The following EIF3A variants were observed in gnomAD, a reference collection of about 807,000 sequenced individuals.
EIF3A encodes the protein eukaryotic translation initiation factor 3 subunit A.
In EIF3A, 21 loss-of-function variants were observed where a neutral mutation model predicts 186.6. That is an observed-to-expected ratio of 0.11 (90% CI 0.08 to 0.16). EIF3A has a LOEUF of 0.16. Ranked by LOEUF, EIF3A falls within the 10% of genes least tolerant of loss-of-function variation. The pLI is 1.00. For synonymous variants in EIF3A, 563 were observed against 584.3 expected, an observed-to-expected ratio of 0.96 and a Z score of 0.52; for missense variants, 1,306 against 1,796.3, an observed-to-expected ratio of 0.73 and a Z score of 4.93.
At chr10:119,061,059 A>T (rs1412586049) in intron 8 of EIF3A, 165 bp downstream of exon 8, 4 of 571,652 alleles carry the variant, frequency 7.0e-6, no homozygotes, top group Non-Finnish European at 1.2e-5. Flanking sequence ...TGCTGAGCAC[A>T]TCAGATATAT....
chr10:119,039,256 A>G (rs770101158), intron 19 of EIF3A, among the ~76,000 whole-genome samples: 9 of 152,100 alleles, frequency 5.9e-5, no homozygotes, highest in Non-Finnish European at 1.2e-4. Flanking sequence ...AACCCTGCAC[A>G]GTGGCTCACA....
intron 17 of EIF3A, 33 bp from the exon 18 acceptor site, chr10:119,044,175 T>C (rs773141591): frequency 7.1e-7 from 1 of 1,413,208 alleles, no homozygotes; most frequent in South Asian, 1.2e-5. Context: ...AAGCATTACA[T>C]TGGTAACCAT....
intron 7 of EIF3A, 107 bp downstream of exon 7, chr10:119,065,292 G>C (rs971531050): frequency 2.4e-6 from 2 of 849,586 alleles, no homozygotes; most frequent in Non-Finnish European, 3.8e-6. Flanking sequence ...CCATACATCA[G>C]AACCCTTGGC....
At chr10:119,063,922 A>C (rs1360199195) in intron 7 of EIF3A, among the ~76,000 whole-genome samples, 1 of 152,210 alleles carries the variant, frequency 6.6e-6, no homozygotes, top group Non-Finnish European at 1.5e-5. Flanking sequence ...GTCTCCACTA[A>C]AACTACAAAA....
intron 14 of EIF3A, among the ~76,000 whole-genome samples, chr10:119,055,363 G>A (rs1219516773): frequency 6.6e-6 from 1 of 151,996 alleles, no homozygotes; most frequent in Non-Finnish European, 1.5e-5. Context: ...GTGGTTCGTG[G>A]CACCCCAAAA....
At chr10:119,074,987 T>TC (rs1360926508) in intron 1 of EIF3A, among the ~76,000 whole-genome samples, 1 of 144,972 alleles carries the variant, frequency 6.9e-6, no homozygotes, top group Non-Finnish European at 1.5e-5. Context: ...TTTTTTTCTT[T>TC]TTTTTTTTTT....
At position 119,035,835 on chromosome 10, in the gene EIF3A, G is replaced by A; in HGVS notation, c.*204C>T. Reference sequence around the variant, plus strand: ...AATAATGCAACACCCTTAAATTCCAGAAAATGGCATGGTTTTTCCAACCTC... The same window carrying A: ...AATAATGCAACACCCTTAAATTCCAAAAAATGGCATGGTTTTTCCAACCTC... On this transcript the variant is annotated 3_prime_UTR_variant, in exon 22 of 22. Transcript: ENST00000369144. 2.1e-6 allele frequency: 1 copy of A among 478,080 alleles called. No homozygotes were observed. The highest frequency in any genetic ancestry group is 1.9e-5 in the African/African-American group (1 of 51,680). 29.6% of individuals were successfully genotyped at this position (478,080 alleles called of 1,614,324 possible). A position where few individuals can be genotyped will look rare whatever the true frequency, so the allele number is the denominator to read the frequency against.
Position 119,070,881 on chromosome 10 carries a change from C to T in EIF3A, c.741+5G>A, listed in dbSNP as rs750549811. 2.9e-5 allele frequency: 47 copies of T among 1,606,478 alleles called. No individual in the cohort carries two copies. The highest frequency in any genetic ancestry group is 4.0e-5 in the Non-Finnish European group (47 of 1,173,192). On this transcript the variant is annotated splice_donor_5th_base_variant and intron_variant, in intron 5 of 21. Coordinates refer to ENST00000369144, the MANE Select transcript of EIF3A (RefSeq NM_003750.4). ...TAGGAAGAAAAGCTAATAGCTCCAA[C>T]ATACCTGCCACAATTCCATGCTGAT...
intron 10 of EIF3A, 38 bp from the exon 11 acceptor site, chr10:119,059,435 T>G: frequency 6.9e-7 from 1 of 1,455,332 alleles, no homozygotes; most frequent in Non-Finnish European, 9.4e-7. Flanking sequence ...AATCCACAAG[T>G]AAGCATGAAG....
chr10:119,066,587 G>C (rs1438154060), intron 6 of EIF3A, among the ~76,000 whole-genome samples: 1 of 140,404 alleles, frequency 7.1e-6, no homozygotes, highest in Non-Finnish European at 1.5e-5. Flanking sequence ...TTAAGAATCA[G>C]AAGTGAACAC....
At chr10:119,064,418 A>T (rs777384946) in intron 7 of EIF3A, among the ~76,000 whole-genome samples, 1 of 152,010 alleles carries the variant, frequency 6.6e-6, no homozygotes, top group Non-Finnish European at 1.5e-5. Flanking sequence ...AGGTGACTAA[A>T]TCATGGGGGC....
Position 119,036,263 on chromosome 10 carries a change from A to T in EIF3A, c.3925T>A (p.Ser1309Thr), listed in dbSNP as rs762591865. The T allele has an allele frequency of 6.2e-7, 1 of 1,604,126 alleles. No homozygotes were observed. The highest frequency in any genetic ancestry group is 8.5e-7 in the Non-Finnish European group (1 of 1,177,052). The change falls in exon 22 of 22, where the codon TCT (serine) becomes ACT (threonine). Residue 1309 changes from serine to threonine, a missense_variant. This residue lies in a region of EIF3A where 331 missense variants were observed against 365.8 expected (regional missense o/e 0.90). Transcript: ENST00000369144. ...PLRSEREEVS[S>T]WRRADDRKDD... Reference sequence around the variant, plus strand: ...TTCCTGTCATCAGCACGTCTCCAAGAACTTACTAAAAAGTTTAATTAAAAA... The same window carrying T: ...TTCCTGTCATCAGCACGTCTCCAAGTACTTACTAAAAAGTTTAATTAAAAA...
chr10:119,080,786 C>A lies in EIF3A; in HGVS notation c.-110G>T. On this transcript the variant is annotated 5_prime_UTR_variant, in exon 1 of 22. Coordinates refer to ENST00000369144, the MANE Select transcript of EIF3A (RefSeq NM_003750.4). ...AGGTCCCACGCGCCTCGCCAGCAGT[C>A]GCCCGCGCCCAGCCGGCCAGAGACG... The A allele has an allele frequency of 6.9e-7, 1 of 1,445,512 alleles. No individual in the cohort carries two copies. The highest frequency in any genetic ancestry group is 9.1e-7 in the Non-Finnish European group (1 of 1,094,936). The allele number at this position is 1,445,512 out of a possible 1,614,324, so 89.5% of individuals were successfully genotyped here.
At chr10:119,069,695 A>G (rs1844040225) in intron 5 of EIF3A, 41 bp from the exon 6 acceptor site, 2 of 989,032 alleles carry the variant, frequency 2.0e-6, no homozygotes, top group Non-Finnish European at 3.2e-6. Flanking sequence ...GCATTCTATA[A>G]CACGAAAAAA....
At chr10:119,061,431 A>T (rs1589692060) in intron 7 of EIF3A, 103 bp from the exon 8 acceptor site, 1 of 532,658 alleles carries the variant, frequency 1.9e-6, no homozygotes, top group East Asian at 3.2e-5. Context: ...AAAATGATTT[A>T]AAAAATCATC....
intron 1 of EIF3A, among the ~76,000 whole-genome samples, chr10:119,075,651 C>CATATAT (rs5788328): frequency 0.025 from 2,407 of 96,996 alleles, 34 homozygotes; most frequent in South Asian, 0.035. Flanking sequence ...TATATATATA[C>CATATAT]ATATATATAT....
chr10:119,065,909 G>C (rs1229282911), intron 6 of EIF3A, among the ~76,000 whole-genome samples: 2 of 151,988 alleles, frequency 1.3e-5, no homozygotes, highest in Non-Finnish European at 2.9e-5. Flanking sequence ...GACGTCAAGA[G>C]ATCGAGACCA....
intron 19 of EIF3A, among the ~76,000 whole-genome samples, chr10:119,041,203 G>T (rs546467011): frequency 2.0e-5 from 3 of 151,818 alleles, no homozygotes; most frequent in Admixed American, 6.6e-5. Context: ...GGTAATAGAC[G>T]CATGTCACAA....
chr10:119,070,108 C>T (rs1180129266), intron 5 of EIF3A, among the ~76,000 whole-genome samples: 1 of 151,446 alleles, frequency 6.6e-6, no homozygotes, highest in Non-Finnish European at 1.5e-5. Context: ...TGGGCAAGAA[C>T]AAGACATCAA....
Sources: gnomAD v4.1 joint callset for allele counts (sites outside exome capture counted in the v4.1 genomes callset) on GRCh38, gnomAD v4.1.1 for gene constraint, gnomAD v4.1.1 regional missense constraint, MANE v1.5 for transcripts, NCBI Gene and HGNC (gene_info 2026-07-23, HGNC 2026-07-21) for gene names.